HDAC4: variants seen among roughly 807,000 people sequenced by gnomAD.
HDAC4 encodes histone deacetylase 4.
In HDAC4, 16 loss-of-function variants were observed where a neutral mutation model predicts 135.1. That is an observed-to-expected ratio of 0.12 (90% confidence interval 0.08 to 0.18). The LOEUF (loss-of-function observed/expected upper bound fraction) is 0.18. Among genes scored for constraint, HDAC4 ranks in the 10% least tolerant of loss-of-function variants. The pLI is 1.00. For missense variants in HDAC4, 1,143 were observed against 1,511.8 expected, an observed-to-expected ratio of 0.76 and a Z score of 4.05; for synonymous variants, 685 against 653.4, an observed-to-expected ratio of 1.05 and a Z score of -0.74.
intron 11 of HDAC4, among the ~76,000 whole-genome samples, chr2:239,127,984 C>T (rs531753993): frequency 9.9e-5 from 15 of 152,194 alleles, no homozygotes; most frequent in Non-Finnish European, 1.6e-4. Flanking sequence ...AGAAATACTA[C>T]GTGATATGCA....
intron 1 of HDAC4, among the ~76,000 whole-genome samples, chr2:239,380,713 A>T (rs141165597): frequency 2.6e-5 from 4 of 152,212 alleles, no homozygotes; most frequent in East Asian, 1.9e-4. Flanking sequence ...ACAATTGAAA[A>T]TTTTTTTTAT....
chr2:239,335,919 T>C (rs368986888), intron 2 of HDAC4, among the ~76,000 whole-genome samples: 6 of 152,200 alleles, frequency 3.9e-5, no homozygotes, highest in African/African-American at 1.4e-4. Flanking sequence ...TATGAACCAA[T>C]TGAAATATAC....
At chr2:239,096,402 C>T (rs529716688) in intron 16 of HDAC4, among the ~76,000 whole-genome samples, 2 of 134,436 alleles carry the variant, frequency 1.5e-5, no homozygotes, top group Admixed American at 7.6e-5. Context: ...TCCCCACAGA[C>T]GCCTGCACCA....
chr2:239,188,225 G>A (rs1443406438), intron 4 of HDAC4, among the ~76,000 whole-genome samples: 1 of 152,140 alleles, frequency 6.6e-6, no homozygotes, highest in African/African-American at 2.4e-5. Context: ...TGTCCTCCAG[G>A]GCCAGCCCAG....
chr2:239,362,042 G>C (rs372144455), intron 1 of HDAC4, among the ~76,000 whole-genome samples: 3 of 152,284 alleles, frequency 2.0e-5, no homozygotes, highest in African/African-American at 7.2e-5. Context: ...AGACGAATGT[G>C]GACATATTAC....
chr2:239,206,654 T>A, intron 3 of HDAC4, among the ~76,000 whole-genome samples: 1 of 140,910 alleles, frequency 7.1e-6, no homozygotes, highest in African/African-American at 2.7e-5. Context: ...CAGATAAATC[T>A]CAAGGACTGA....
In HDAC4 at chr2:239,089,402, G is replaced by A. The variant is rs189065457; in HGVS notation, c.2388+607C>T. On this transcript the variant is annotated intron_variant, in intron 18 of 26. Coordinates refer to ENST00000543185, the MANE Select transcript of HDAC4 (RefSeq NM_001378414.1). ...GGAGTGCAATGGCGTGACTCGGCTC[G>A]CCGCAACCTCCACCTCCCAGGTTCA... 5.9e-3 allele frequency among the ~76,000 whole-genome samples: 900 copies of A among 152,116 alleles called. 14 individuals carry two copies. The highest frequency in any genetic ancestry group is 0.021 in the African/African-American group (858 of 41,484).
chr2:239,341,750 G>A (rs1213298214), intron 2 of HDAC4, among the ~76,000 whole-genome samples: 3 of 152,190 alleles, frequency 2.0e-5, no homozygotes, highest in Non-Finnish European at 2.9e-5. Context: ...CTAATTGAAA[G>A]AAAACCATTA....
At chr2:239,342,656 C>T (rs1006954088) in intron 2 of HDAC4, among the ~76,000 whole-genome samples, 2 of 152,192 alleles carry the variant, frequency 1.3e-5, no homozygotes, top group African/African-American at 4.8e-5. Context: ...CAGCATGGAA[C>T]CACACTGGGT....
intron 4 of HDAC4, among the ~76,000 whole-genome samples, chr2:239,178,201 C>A (rs902868340): frequency 6.6e-6 from 1 of 152,190 alleles, no homozygotes; most frequent in Non-Finnish European, 1.5e-5. Flanking sequence ...CCTCTGTGGC[C>A]GCACGTGTCC....
In HDAC4 at chr2:239,139,136, C is replaced by T. The variant is rs2041174204; in HGVS notation, c.978+548G>A. Among the ~76,000 whole-genome samples, 1 of 152,278 alleles carries T rather than the reference C, an allele frequency of 6.6e-6. No individual in the cohort carries two copies. The highest frequency in any genetic ancestry group is 1.5e-5 in the Non-Finnish European group (1 of 68,054). On this transcript the variant is annotated intron_variant, in intron 9 of 26. Transcript: ENST00000543185. The surrounding 1 kb of genome is among the most constrained non-coding windows in gnomAD (Gnocchi z 5.3). ...CCGTGATGCCTGGAAAAGTTCCCCGCTCTGTGGCTTTGGCCGGCCCTGCCA... is the reference window on the plus strand; with the variant it reads ...CCGTGATGCCTGGAAAAGTTCCCCGTTCTGTGGCTTTGGCCGGCCCTGCCA...
chr2:239,163,903 C>G lies in HDAC4; in HGVS notation c.511G>C (p.Val171Leu). ...GKESAVASTE[V>L]KMKLQEFVLN... is the part of the protein sequence containing the mutation. Reference sequence around the variant, plus strand: ...ACAAATTCTTGTAACTTCATCTTCACTTCTGTGCTGGCCACGGCACCTGGC... The same window carrying G: ...ACAAATTCTTGTAACTTCATCTTCAGTTCTGTGCTGGCCACGGCACCTGGC... The change falls in exon 6 of 27, where the codon GTG becomes CTG. Residue 171 changes from valine to leucine, a missense_variant. By Grantham distance (32) the Val-to-Leu change is conservative (BLOSUM62 1). This residue lies in a region of HDAC4 where 247 missense variants were observed against 310.0 expected (regional missense o/e 0.80). Coordinates refer to ENST00000543185, the MANE Select transcript of HDAC4 (RefSeq NM_001378414.1). 1 of 1,614,150 alleles carries G rather than the reference C, an allele frequency of 6.2e-7. No individual in the cohort carries two copies. Among genetic ancestry groups the G allele is most frequent in the Non-Finnish European group, 8.5e-7 (1 of 1,180,030 alleles).
intron 2 of HDAC4, among the ~76,000 whole-genome samples, chr2:239,280,906 T>TCCAC (rs1219068221): frequency 6.7e-6 from 1 of 148,202 alleles, no homozygotes; most frequent in Non-Finnish European, 1.5e-5. Flanking sequence ...CACACCACTC[T>TCCAC]ACAATGTACA....
In HDAC4 at chr2:239,080,360, C is replaced by T. The variant is rs562166772; in HGVS notation, c.2750+735G>A. 9.2e-5 allele frequency among the ~76,000 whole-genome samples: 14 copies of T among 152,354 alleles called. No homozygotes were observed. In the South Asian group the frequency reaches 2.1e-3, roughly 23 times the overall value. On this transcript the variant is annotated intron_variant, in intron 22 of 26. Coordinates refer to ENST00000543185, the MANE Select transcript of HDAC4 (RefSeq NM_001378414.1). ...AGACACGGCATGTCAGGCTCAGCCA[C>T]GCTAATAAAACCCTTCTCCTCACGT...
intron 22 of HDAC4, among the ~76,000 whole-genome samples, chr2:239,073,915 T>C (rs983566630): frequency 2.6e-5 from 4 of 151,486 alleles, no homozygotes; most frequent in African/African-American, 7.2e-5. Flanking sequence ...CTGACCGACA[T>C]TCCGAGGCTT....
At chr2:239,369,361 G>T (rs555115857) in intron 1 of HDAC4, among the ~76,000 whole-genome samples, 1 of 152,266 alleles carries the variant, frequency 6.6e-6, no homozygotes, top group South Asian at 2.1e-4. Context: ...GCCCGGCGGG[G>T]GGTGGGCAGC....
At chr2:239,165,015 G>A (rs1026248892) in intron 5 of HDAC4, among the ~76,000 whole-genome samples, 1 of 152,124 alleles carries the variant, frequency 6.6e-6, no homozygotes, top group African/African-American at 2.4e-5. Flanking sequence ...CTGACCCCAG[G>A]GGTTCGAGAC....
chr2:239,231,772 T>C lies in HDAC4; in HGVS notation c.94+4821A>G, dbSNP rs13419668. On this transcript the variant is annotated intron_variant, in intron 3 of 26. Coordinates refer to ENST00000543185, the MANE Select transcript of HDAC4 (RefSeq NM_001378414.1). ...CCTGCTCCCGGATGCCTGAGGTAGGTGTCCTCCCCGAAGCGCCCCTGTCCT... is the reference window on the plus strand; with the variant it reads ...CCTGCTCCCGGATGCCTGAGGTAGGCGTCCTCCCCGAAGCGCCCCTGTCCT... Among the ~76,000 whole-genome samples the C allele has an allele frequency of 5.8e-3, 65 of 11,194 alleles. 1 individual carries two copies. Among genetic ancestry groups the C allele is most frequent in the African/African-American group, 0.013 (45 of 3,598 alleles). 7.3% of individuals were successfully genotyped at this position (11,194 alleles called of 152,430 possible).
At chr2:239,375,075 G>C (rs915323989) in intron 1 of HDAC4, among the ~76,000 whole-genome samples, 8 of 152,220 alleles carry the variant, frequency 5.3e-5, no homozygotes, top group African/African-American at 1.9e-4. Flanking sequence ...GCAGCCGCAG[G>C]GGTCTGATGG....
Sources: gnomAD v4.1 joint callset for allele counts (sites outside exome capture counted in the v4.1 genomes callset) on GRCh38, gnomAD v4.1.1 for gene constraint, gnomAD v4.1.1 regional missense constraint, Gnocchi (gnomAD v3.1) non-coding constraint, MANE v1.5 for transcripts, NCBI Gene and HGNC (gene_info 2026-07-23, HGNC 2026-07-21) for gene names.